SVIL: variants seen among roughly 807,000 people sequenced by gnomAD.
SVIL encodes the protein archvillin.
A neutral mutation model predicts 240.4 loss-of-function variants in SVIL; 101 were observed. The observed-to-expected ratio is 0.42, with a 90% CI of 0.36 to 0.50. The LOEUF is 0.50. Among genes scored for constraint, SVIL ranks in the 20% least tolerant of loss-of-function variants. The pLI is 0.01. For synonymous variants in SVIL, 999 were observed against 1,100.0 expected (o/e 0.91, Z 1.82); for missense variants, 2,512 against 2,818.7 (o/e 0.89, Z 2.46).
intron 1 of SVIL, among the ~76,000 whole-genome samples, chr10:29,578,553 C>A (rs1955801061): frequency 6.6e-6 from 1 of 152,230 alleles, no homozygotes; most frequent in African/African-American, 2.4e-5. Flanking sequence ...ACAGAAGAAC[C>A]TTGCCCTGCC....
At chr10:29,672,605 C>T (rs1005869257) in intron 2 of SVIL, among the ~76,000 whole-genome samples, 1 of 152,150 alleles carries the variant, frequency 6.6e-6, no homozygotes, top group African/African-American at 2.4e-5. Context: ...AGCATGGTGC[C>T]TGGTATTCAG....
intron 29 of SVIL, among the ~76,000 whole-genome samples, chr10:29,476,955 C>T (rs1946260421): frequency 6.6e-6 from 1 of 151,992 alleles, no homozygotes; most frequent in African/African-American, 2.4e-5. Context: ...CTCCGCCTCC[C>T]GGGTTCAAGC....
intron 36 of SVIL, among the ~76,000 whole-genome samples, chr10:29,459,169 G>A (rs1390711209): frequency 6.6e-6 from 1 of 152,094 alleles, no homozygotes; most frequent in Non-Finnish European, 1.5e-5. Flanking sequence ...GAGGGCAGTG[G>A]CTCAATCATA....
chr10:29,569,102 T>C (rs1414886818), intron 2 of SVIL, among the ~76,000 whole-genome samples, 153 bp downstream of exon 2: 3 of 152,306 alleles, frequency 2.0e-5, no homozygotes, highest in Admixed American at 6.5e-5. Flanking sequence ...AATACAAAGA[T>C]TCCTCTGCTT....
At chr10:29,722,914 C>G (rs991834172) in intron 1 of SVIL, among the ~76,000 whole-genome samples, 9 of 152,208 alleles carry the variant, frequency 5.9e-5, no homozygotes, top group African/African-American at 2.2e-4. Context: ...TCCTGTCACT[C>G]CTAGATACAT....
At chr10:29,476,507 A>G (rs1946210830) in intron 29 of SVIL, among the ~76,000 whole-genome samples, 1 of 152,080 alleles carries the variant, frequency 6.6e-6, no homozygotes, top group Non-Finnish European at 1.5e-5. Flanking sequence ...GGCTCAAGTG[A>G]TCCTCCTGCC....
At chr10:29,714,948 T>TAAAAAAAAAAAAAA (rs61107910) in intron 1 of SVIL, among the ~76,000 whole-genome samples, 1 of 78,300 alleles carries the variant, frequency 1.3e-5, no homozygotes, top group Non-Finnish European at 2.6e-5. Context: ...TGTCTGAAAT[T>TAAAAAAAAAAAAAA]AAAAAAAAAA....
At chr10:29,637,530 T>C (rs1589435035), upstream of SVIL, among the ~76,000 whole-genome samples, 1 of 152,190 alleles carries the variant, frequency 6.6e-6, no homozygotes, top group African/African-American at 2.4e-5. Context: ...ATCTATCCCA[T>C]ATTAAGGCCT....
At position 29,735,621 on chromosome 10, in the gene SVIL, G is replaced by T. The variant is rs1964861827; in HGVS notation, c.-400+130C>A. 6.6e-6 allele frequency: 1 copy of T among 151,482 alleles called. No homozygotes were observed. The highest frequency in any genetic ancestry group is 2.4e-5 in the African/African-American group (1 of 41,332). The allele number at this position is 151,482 out of a possible 1,614,324, so 9.4% of individuals were successfully genotyped here. A position where few individuals can be genotyped will look rare whatever the true frequency, so the allele number is the denominator to read the frequency against. On this transcript the variant is annotated intron_variant, in intron 1 of 35. Coordinates refer to the SVIL transcript ENST00000375400. The surrounding 1 kb of genome is among the most constrained non-coding windows in gnomAD (Gnocchi z 4.1). ...CCGTTCCCGCTTCGGTCCCCGGCAGGGCCTCCCGCAGCCAGAGCGAGACTG... is the reference window on the plus strand; with the variant it reads ...CCGTTCCCGCTTCGGTCCCCGGCAGTGCCTCCCGCAGCCAGAGCGAGACTG...
At chr10:29,464,161 G>C (rs188907493) in intron 34 of SVIL, among the ~76,000 whole-genome samples, 39 of 152,320 alleles carry the variant, frequency 2.6e-4, no homozygotes, top group Admixed American at 9.8e-4. Context: ...CTGCCACCGG[G>C]AGTGGTGGCT....
chr10:29,655,788 A>G (rs367738200), intron 3 of SVIL, among the ~76,000 whole-genome samples: 14 of 151,898 alleles, frequency 9.2e-5, no homozygotes, highest in African/African-American at 2.9e-4. Context: ...ATTCAGTGTC[A>G]TGTTAGCTGT....
intron 32 of SVIL, among the ~76,000 whole-genome samples, 178 bp from the exon 33 acceptor site, chr10:29,468,053 T>TGG (rs1243004708): frequency 4.6e-5 from 7 of 152,234 alleles, no homozygotes; most frequent in Non-Finnish European, 8.8e-5. Flanking sequence ...GTTGTGCAAC[T>TGG]GTCATCACTA....
chr10:29,592,075 A>C (rs931932222), intron 1 of SVIL, among the ~76,000 whole-genome samples: 2 of 152,164 alleles, frequency 1.3e-5, no homozygotes, highest in African/African-American at 2.4e-5. Context: ...ACATAGGAAA[A>C]CCACATCTCT....
intron 13 of SVIL, among the ~76,000 whole-genome samples, chr10:29,525,223 C>G (rs1950819299): frequency 6.6e-6 from 1 of 152,216 alleles, no homozygotes; most frequent in South Asian, 2.1e-4. Flanking sequence ...TAAAGAGTCA[C>G]TGCTTCAGCT....
chr10:29,594,102 T>C (rs1268081729), intron 1 of SVIL, among the ~76,000 whole-genome samples: 4 of 152,226 alleles, frequency 2.6e-5, no homozygotes. Flanking sequence ...GATTGTTCAA[T>C]GGACACAAAC....
intron 2 of SVIL, among the ~76,000 whole-genome samples, chr10:29,684,958 C>T (rs756236800): frequency 6.6e-6 from 1 of 152,078 alleles, no homozygotes; most frequent in African/African-American, 2.4e-5. Context: ...ATTACACGTG[C>T]AGGTTTATTA....
At chr10:29,717,291 T>C (rs1445167338) in intron 1 of SVIL, among the ~76,000 whole-genome samples, 2 of 139,966 alleles carry the variant, frequency 1.4e-5, no homozygotes, top group Non-Finnish European at 3.0e-5. Flanking sequence ...ATGTTTTTTT[T>C]CACAGATATC....
chr10:29,467,905 A>G (rs551791698), intron 32 of SVIL, 30 bp from the exon 33 acceptor site: 10 of 1,613,464 alleles, frequency 6.2e-6, no homozygotes, highest in East Asian at 2.2e-5. Context: ...AGAGTTCTTT[A>G]TAAGTCTGGA....
chr10:29,532,234 G>A (rs1013219584), intron 8 of SVIL, 62 bp from the exon 9 acceptor site: 138 of 1,565,596 alleles, frequency 8.8e-5, no homozygotes, highest in Non-Finnish European at 1.1e-4. Context: ...AAGAGAAGAT[G>A]GCAAAGGATT....
Sources: gnomAD v4.1 joint callset for allele counts (sites outside exome capture counted in the v4.1 genomes callset) on GRCh38, gnomAD v4.1.1 for gene constraint, Gnocchi (gnomAD v3.1) non-coding constraint, MANE v1.5 for transcripts, NCBI Gene and HGNC (gene_info 2026-07-23, HGNC 2026-07-21) for gene names.